The following COL23A1 variants were observed in gnomAD, a reference collection of about 807,000 sequenced individuals.
The protein encoded by COL23A1 is collagen alpha-1(XXIII) chain.
A neutral mutation model predicts 99.3 loss-of-function variants in COL23A1; 97 were observed. The ratio of observed to expected loss-of-function variants is 0.98; its 90% CI spans 0.83 to 1.16. The LOEUF (loss-of-function observed/expected upper bound fraction) is 1.16, where lower values mean the gene tolerates loss of function less well. Among genes scored for constraint, COL23A1 ranks in the 50% most tolerant of loss-of-function variants. The pLI, the probability that COL23A1 is intolerant of heterozygous loss-of-function variation, is 0.00. For missense variants in COL23A1, 762 were observed against 757.4 expected, an observed-to-expected ratio of 1.01 and a Z score of -0.07; for synonymous variants, 320 against 308.2, an observed-to-expected ratio of 1.04 and a Z score of -0.40.
intron 1 of COL23A1, among the ~76,000 whole-genome samples, chr5:178,566,212 A>C (rs2113618134): frequency 6.6e-6 from 1 of 152,262 alleles, no homozygotes; most frequent in South Asian, 2.1e-4. Flanking sequence ...CAGTGTCTGC[A>C]AAAGGGTGGG....
chr5:178,358,380 CTAA>C (rs996789404), intron 2 of COL23A1, among the ~76,000 whole-genome samples: 15 of 136,142 alleles, frequency 1.1e-4, no homozygotes, highest in Non-Finnish European at 1.3e-4. Context: ...GTGTGTATGT[CTAA>C]TGTGTGTATG....
At chr5:178,522,771 G>A (rs1391798908) in intron 2 of COL23A1, among the ~76,000 whole-genome samples, 1 of 152,118 alleles carries the variant, frequency 6.6e-6, no homozygotes, top group Non-Finnish European at 1.5e-5. Context: ...CAAGAGCACT[G>A]CCCAGGACCA....
chr5:178,481,296 G>C (rs1757326581), intron 2 of COL23A1, among the ~76,000 whole-genome samples: 1 of 152,060 alleles, frequency 6.6e-6, no homozygotes, highest in South Asian at 2.1e-4. Context: ...AGAAAACATA[G>C]GGGAAAATTT....
At chr5:178,407,772 C>A (rs1220034727) in intron 2 of COL23A1, among the ~76,000 whole-genome samples, 1 of 151,538 alleles carries the variant, frequency 6.6e-6, no homozygotes, top group Non-Finnish European at 1.5e-5. Context: ...TAGAAATTAT[C>A]CAAACTGAAC....
At chr5:178,498,502 GA>G (rs1562026072) in intron 2 of COL23A1, among the ~76,000 whole-genome samples, 2 of 151,342 alleles carry the variant, frequency 1.3e-5, no homozygotes, top group East Asian at 3.9e-4. Context: ...TAAAAAATGA[GA>G]AAAATAGTAG....
chr5:178,508,756 C>G (rs1759024153), intron 2 of COL23A1, among the ~76,000 whole-genome samples: 1 of 152,164 alleles, frequency 6.6e-6, no homozygotes, highest in South Asian at 2.1e-4. Context: ...ACAAGTGCAT[C>G]TGGCGAGGCT....
intron 2 of COL23A1, among the ~76,000 whole-genome samples, chr5:178,498,551 A>G (rs1048918659): frequency 6.6e-6 from 1 of 152,016 alleles, no homozygotes; most frequent in African/African-American, 2.4e-5. Context: ...AAATGAAAAG[A>G]AGGGAATATA....
intron 2 of COL23A1, among the ~76,000 whole-genome samples, chr5:178,327,965 G>A (rs976291954): frequency 6.6e-6 from 1 of 152,224 alleles, no homozygotes; most frequent in African/African-American, 2.4e-5. Flanking sequence ...CCCAGCTAGG[G>A]CTGAAGGACT....
chr5:178,352,997 A>C (rs1561889346), intron 2 of COL23A1, among the ~76,000 whole-genome samples: 1 of 152,114 alleles, frequency 6.6e-6, no homozygotes, highest in African/African-American at 2.4e-5. Context: ...GGCAATGTAC[A>C]CTCCACAATC....
intron 1 of COL23A1, among the ~76,000 whole-genome samples, chr5:178,587,522 G>A (rs1265864197): frequency 3.3e-5 from 5 of 152,128 alleles, no homozygotes; most frequent in Non-Finnish European, 5.9e-5. Context: ...TGTGGACATG[G>A]TTTCTGCCTC....
chr5:178,316,934 G>C (rs532400311), intron 2 of COL23A1, among the ~76,000 whole-genome samples: 6 of 151,776 alleles, frequency 4.0e-5, no homozygotes, highest in Non-Finnish European at 8.8e-5. Context: ...GAGAGTATAC[G>C]AGTCTTCCAC....
At chr5:178,452,605 T>G (rs1767549636) in intron 2 of COL23A1, among the ~76,000 whole-genome samples, 1 of 152,250 alleles carries the variant, frequency 6.6e-6, no homozygotes, top group African/African-American at 2.4e-5. Flanking sequence ...AGCTTATTTC[T>G]GTAATACATA....
intron 2 of COL23A1, among the ~76,000 whole-genome samples, chr5:178,480,159 AG>A (rs1275995520): frequency 1.3e-5 from 2 of 152,102 alleles, no homozygotes; most frequent in African/African-American, 2.4e-5. Context: ...AAAAAAAAAA[AG>A]AAAATTTTTT....
intron 1 of COL23A1, among the ~76,000 whole-genome samples, chr5:178,565,812 C>A (rs998359664): frequency 1.3e-5 from 2 of 151,944 alleles, no homozygotes; most frequent in Non-Finnish European, 1.5e-5. Context: ...TATCTACAAA[C>A]ATTCTTTAAA....
chr5:178,380,964 A>G (rs1763351647), intron 2 of COL23A1, among the ~76,000 whole-genome samples: 1 of 152,208 alleles, frequency 6.6e-6, no homozygotes, highest in African/African-American at 2.4e-5. Flanking sequence ...GCCGGCAGGC[A>G]CATCTAGCTA....
At chr5:178,522,101 TA>T (rs1348219472) in intron 2 of COL23A1, among the ~76,000 whole-genome samples, 1 of 152,102 alleles carries the variant, frequency 6.6e-6, no homozygotes, top group Non-Finnish European at 1.5e-5. Flanking sequence ...CCAGTCTGTC[TA>T]AAAAAAGAAA....
At chr5:178,269,313 AT>A (rs1756089617) in intron 6 of COL23A1, among the ~76,000 whole-genome samples, 1 of 149,920 alleles carries the variant, frequency 6.7e-6, no homozygotes, top group Non-Finnish European at 1.5e-5. Context: ...CCATCCATCC[AT>A]CCATCCATCC....
At chr5:178,517,748 G>A (rs1307790902) in intron 2 of COL23A1, among the ~76,000 whole-genome samples, 26 of 151,374 alleles carry the variant, frequency 1.7e-4, no homozygotes, top group African/African-American at 6.1e-4. Context: ...GTTTAGTAGA[G>A]ACGGGGTTTC....
rs1304032416 is a variant in COL23A1, at chr5:178,365,332, G to A, written c.362-58413C>T. On this transcript the variant is annotated intron_variant, in intron 2 of 28. Coordinates refer to ENST00000390654, the MANE Select transcript of COL23A1 (RefSeq NM_173465.4). The surrounding 1 kb of genome is among the most constrained non-coding windows in gnomAD (Gnocchi z 5.2). ...GAACCCTAGGAGGCACTGAGACCTC[G>A]GTGGCTGTCCCAGGCTCTGTCCTCC... 2.0e-5 allele frequency among the ~76,000 whole-genome samples: 3 copies of A among 152,052 alleles called. No individual in the cohort carries two copies. Among genetic ancestry groups the A allele is most frequent in the South Asian group, 2.1e-4 (1 of 4,832 alleles).
Sources: allele counts gnomAD v4.1 joint callset (sites outside exome capture counted in the v4.1 genomes callset), GRCh38; gene constraint gnomAD v4.1.1; non-coding constraint Gnocchi (gnomAD v3.1); transcripts MANE v1.5; gene names NCBI Gene and HGNC (gene_info 2026-07-23, HGNC 2026-07-21).